The following PTGES2 variants were observed in gnomAD, a reference collection of about 807,000 sequenced individuals.
PTGES2 encodes GATE-binding factor 1.
PTGES2 carries 35 observed loss-of-function variants against 44.5 expected under a neutral mutation model. The observed-to-expected ratio is 0.79, with a 90% CI of 0.60 to 1.04. The LOEUF (loss-of-function observed/expected upper bound fraction) is 1.04, where lower values mean the gene tolerates loss of function less well. Ranked by LOEUF, PTGES2 falls within the 50% of genes least tolerant of loss-of-function variation. The probability of loss-of-function intolerance (pLI) is 0.00; values close to 1 mark genes in which losing one functional copy is unlikely to be tolerated. For synonymous variants in PTGES2, 221 were observed against 227.5 expected (o/e 0.97, Z 0.26); for missense variants, 517 against 521.4 (o/e 0.99, Z 0.08).
In PTGES2 at chr9:128,125,404, T is replaced by C; in HGVS notation, c.317A>G (p.Gln106Arg). 3 of 1,614,128 alleles carry C rather than the reference T, an allele frequency of 1.9e-6. No individual in the cohort carries two copies. The highest frequency in any genetic ancestry group is 2.5e-6 in the Non-Finnish European group (3 of 1,179,998). Residue 106 changes from glutamine (Q) to arginine (R), a missense_variant, in exon 2 of 7, where the codon CAG becomes CGG. Coordinates refer to ENST00000338961, the MANE Select transcript of PTGES2 (RefSeq NM_025072.7). ...GCTGCAGAAGGGACACGTCTTGTAC[T>C]GGTACAGGGTCAGCTGCAGGCGGCT... ...LSSRLQLTLY[Q>R]YKTCPFCSKV...
chr9:128,123,955 G>T lies in PTGES2; in HGVS notation c.537-104C>A. ...TCAGAGTGGAGCCAGGACCAACAAA[G>T]GCTCTCCGGACTCTTGCAGTAAGAG... On this transcript the variant is annotated intron_variant, in intron 3 of 6. Coordinates refer to ENST00000338961, the MANE Select transcript of PTGES2 (RefSeq NM_025072.7). The surrounding 1 kb of genome is among the most constrained non-coding windows in gnomAD (Gnocchi z 4.4). The T allele has an allele frequency of 7.5e-7, 1 of 1,326,266 alleles. No homozygotes were observed. The highest frequency in any genetic ancestry group is 1.4e-5 in the African/African-American group (1 of 69,076). The allele number at this position is 1,326,266 out of a possible 1,614,324, so 82.2% of individuals were successfully genotyped here.
In PTGES2 at chr9:128,121,350, G is replaced by A. The variant is rs1834404684; in HGVS notation, c.1006-77C>T. On this transcript the variant is annotated intron_variant, in intron 6 of 6. Coordinates refer to ENST00000338961, the MANE Select transcript of PTGES2 (RefSeq NM_025072.7). ...ACCTCCTTCGTTCCCTGCCAGCTGTGTGGCCAGGTCCCGTCCCCTCCCCCC... is the reference window on the plus strand; with the variant it reads ...ACCTCCTTCGTTCCCTGCCAGCTGTATGGCCAGGTCCCGTCCCCTCCCCCC... The A allele has an allele frequency of 3.3e-6, 5 of 1,533,582 alleles. No homozygotes were observed. In the South Asian group the frequency reaches 4.9e-5, roughly 15 times the overall value. 95.0% of individuals were successfully genotyped at this position (1,533,582 alleles called of 1,614,324 possible).
In PTGES2 at chr9:128,123,979, AG is replaced by A; in HGVS notation, c.537-129del. 1.9e-6 allele frequency: 2 copies of A among 1,038,228 alleles called. No homozygotes were observed. Among genetic ancestry groups the A allele is most frequent in the Non-Finnish European group, 2.8e-6 (2 of 720,152 alleles). The allele number at this position is 1,038,228 out of a possible 1,614,324, so 64.3% of individuals were successfully genotyped here. On this transcript the variant is annotated intron_variant, in intron 3 of 6. Coordinates refer to ENST00000338961, the MANE Select transcript of PTGES2 (RefSeq NM_025072.7). This position sits in a 1 kb window ranked among gnomAD's most constrained non-coding sequence, Gnocchi z 4.4. The stretch of plus-strand genomic sequence containing the variant: ...AGGCTCTCCGGACTCTTGCAGTAAG[AG>A]GGATTTGGAGTAGATGCCAGGGCTA...
In PTGES2 at chr9:128,122,391, C is replaced by T; in HGVS notation, c.976G>A (p.Gly326Arg). ...TCAGCGAGATTCGGCTTCTGGCCCC[C>T]CATGAAGGGCCGGTCCTTGCCCACA... is the stretch of plus-strand genomic sequence containing the variant. Reference protein sequence around the residue: ...AAVGKDRPFMGGQKPNLADLA... With the variant: ...AAVGKDRPFMRGQKPNLADLA... The change falls in exon 6 of 7, where the codon GGG becomes AGG. Residue 326 changes from glycine (G) to arginine (R), a missense_variant. Transcript: ENST00000338961. The T allele has an allele frequency of 6.2e-7, 1 of 1,614,194 alleles. No individual in the cohort carries two copies. The highest frequency in any genetic ancestry group is 8.5e-7 in the Non-Finnish European group (1 of 1,179,996).
intron 6 of PTGES2, 106 bp from the exon 7 acceptor site, chr9:128,121,379 G>T: frequency 1.4e-6 from 2 of 1,421,560 alleles, no homozygotes; most frequent in Non-Finnish European, 9.5e-7. Flanking sequence ...TCCCCCCTTG[G>T]AGCTCGTGAC....
At position 128,123,443 on chromosome 9, in the gene PTGES2, G is replaced by T. The variant is rs1457956510; in HGVS notation, c.686+259C>A. On this transcript the variant is annotated intron_variant, in intron 4 of 6. Transcript: ENST00000338961. The surrounding 1 kb of genome is among the most constrained non-coding windows in gnomAD (Gnocchi z 4.4). ...TGCATTTTTATAGAGATGGGGTTTT[G>T]CCATGTTGGCCAGGCTGGTCTTGAA... is the stretch of plus-strand genomic sequence containing the variant. Among the ~76,000 whole-genome samples, 1 of 152,028 alleles carries T rather than the reference G, an allele frequency of 6.6e-6. No individual in the cohort carries two copies. The highest frequency in any genetic ancestry group is 2.4e-5 in the African/African-American group (1 of 41,386).
At chr9:128,128,070 A>C, upstream of PTGES2, 5 of 350,612 alleles carry the variant, frequency 1.4e-5, no homozygotes, top group Non-Finnish European at 2.2e-5. Context: ...CACCTCTCTT[A>C]CGGGCGCCCA....
chr9:128,122,371 G>C lies in PTGES2; in HGVS notation c.996C>G (p.Leu332=), dbSNP rs372764788. The C allele has an allele frequency of 1.2e-6, 2 of 1,613,736 alleles. No homozygotes were observed. The highest frequency in any genetic ancestry group is 8.5e-7 in the Non-Finnish European group (1 of 1,179,612). Residue 332 remains leucine (L), a synonymous_variant, in exon 6 of 7, where the codon CTC becomes CTG. Coordinates refer to ENST00000338961, the MANE Select transcript of PTGES2 (RefSeq NM_025072.7). ...CCACCACCACACTCACCAAATCAGC[G>C]AGATTCGGCTTCTGGCCCCCCATGA... The part of the protein sequence containing the change: ...RPFMGGQKPN[L]ADLAVYGVLR...
rs111494444 is a variant in PTGES2, at chr9:128,122,922, A to T, written c.887+12T>A. On this transcript the variant is annotated intron_variant, in intron 5 of 6. Coordinates refer to ENST00000338961, the MANE Select transcript of PTGES2 (RefSeq NM_025072.7). ...CGGGGACAGCAGGCCCCGGATGTGC[A>T]CACACACTTGCCTGCTCTTGAGTCG... 3.5e-4 allele frequency: 560 copies of T among 1,613,642 alleles called. 6 individuals carry two copies. The African/African-American group carries it at 6.4e-3, about 18-fold the overall frequency.
intron 3 of PTGES2, among the ~76,000 whole-genome samples, chr9:128,124,085 A>T (rs1564210390): frequency 3.6e-5 from 5 of 140,002 alleles, no homozygotes; most frequent in Non-Finnish European, 6.3e-5. Context: ...CTGGAAAATC[A>T]TTTTTTTTTT....
intron 1 of PTGES2, among the ~76,000 whole-genome samples, chr9:128,126,591 G>C (rs1048223164): frequency 6.6e-6 from 1 of 152,162 alleles, no homozygotes; most frequent in Non-Finnish European, 1.5e-5. Context: ...GGGCTCCGTG[G>C]CTCACACCTG....
At chr9:128,127,845 C>T (rs539829913), upstream of PTGES2, 19 of 960,394 alleles carry the variant, frequency 2.0e-5, no homozygotes, top group African/African-American at 1.9e-4. Flanking sequence ...AGGGAACCCT[C>T]AGCGCTCTCG....
intron 5 of PTGES2, chr9:128,122,682 G>C (rs1269165055): frequency 3.2e-6 from 2 of 630,348 alleles, no homozygotes; most frequent in African/African-American, 3.7e-5. Flanking sequence ...CAGGGAGAAA[G>C]CCACAGAGGA....
At chr9:128,126,467 A>C (rs959990413) in intron 1 of PTGES2, among the ~76,000 whole-genome samples, 1 of 152,116 alleles carries the variant, frequency 6.6e-6, no homozygotes, top group Non-Finnish European at 1.5e-5. Context: ...CAGCCTTAGG[A>C]TTTGGGGGCA....
chr9:128,128,152 ACGACC>A (rs1290585281), upstream of PTGES2: 3 of 293,706 alleles, frequency 1.0e-5, no homozygotes, highest in South Asian at 2.3e-5. Context: ...AGCCCCGGAA[ACGACC>A]CGACCCGGCA....
chr9:128,122,944 G>C lies in PTGES2; in HGVS notation c.877C>G (p.Leu293Val), dbSNP rs1486483630. 2 of 1,613,966 alleles carry C rather than the reference G, an allele frequency of 1.2e-6. No individual in the cohort carries two copies. Among genetic ancestry groups the C allele is most frequent in the Admixed American group, 3.3e-5 (2 of 60,012 alleles). Residue 293 changes from leucine to valine, a missense_variant, in exon 5 of 7, where the codon CTC (leucine) becomes GTC (valine). By Grantham distance (32) the Leu-to-Val change is conservative. Coordinates refer to ENST00000338961, the MANE Select transcript of PTGES2 (RefSeq NM_025072.7). ...AAAMYLISKR[L>V]KSRHRLQDNV... is the part of the protein sequence containing the mutation. ...TGCACACACACTTGCCTGCTCTTGA[G>C]TCGCTTGCTGATGAGGTACATGGCC...
upstream of PTGES2, chr9:128,128,075 C>T (rs1588076327): frequency 8.4e-6 from 3 of 359,032 alleles, no homozygotes; most frequent in South Asian, 4.8e-5. Flanking sequence ...CTCTTACGGG[C>T]GCCCATTCAA....
intron 5 of PTGES2, 102 bp from the exon 6 acceptor site, chr9:128,122,581 C>T (rs537547205): frequency 9.0e-5 from 87 of 968,504 alleles, no homozygotes; most frequent in African/African-American, 1.9e-4. Context: ...GAAGCCAGGA[C>T]GGCACCCCAG....
chr9:128,124,233 G>A (rs188007622), intron 3 of PTGES2: 2 of 388,808 alleles, frequency 5.1e-6, no homozygotes, highest in Non-Finnish European at 9.6e-6. Context: ...ACAGGCACTC[G>A]CCACTATGCC....
Sources: allele counts gnomAD v4.1 joint callset (sites outside exome capture counted in the v4.1 genomes callset), GRCh38; gene constraint gnomAD v4.1.1; non-coding constraint Gnocchi (gnomAD v3.1); transcripts MANE v1.5; gene names NCBI Gene and HGNC (gene_info 2026-07-23, HGNC 2026-07-21).